The following CAMK1 variants were observed in gnomAD, a reference collection of about 807,000 sequenced individuals.
CAMK1 encodes calcium/calmodulin-dependent protein kinase type 1.
In CAMK1, 39 loss-of-function variants were observed where a neutral mutation model predicts 49.1. The ratio of observed to expected loss-of-function variants is 0.79; its 90% CI spans 0.62 to 1.04. The LOEUF is 1.04. Ranked by LOEUF, CAMK1 falls within the 50% of genes least tolerant of loss-of-function variation. The pLI is 0.00. For synonymous variants in CAMK1, 192 were observed against 185.2 expected (o/e 1.04, Z -0.30); for missense variants, 457 against 472.2 (o/e 0.97, Z 0.30).
Position 9,757,527 on chromosome 3 carries a change from A to AG in CAMK1, c.*11dup, listed in dbSNP as rs1354423770. 1 of 1,609,932 alleles carries AG rather than the reference A, an allele frequency of 6.2e-7. No homozygotes were observed. Among genetic ancestry groups the AG allele is most frequent in the South Asian group, 1.1e-5 (1 of 90,920 alleles). On this transcript the variant is annotated 3_prime_UTR_variant, in exon 12 of 12. Coordinates refer to ENST00000256460, the MANE Select transcript of CAMK1 (RefSeq NM_003656.5). This position sits in a 1 kb window ranked among gnomAD's most constrained non-coding sequence, Gnocchi z 4.5. ...CTCCCACGCAGAGGATCATGACCCG[A>AG]GGTCCAGGGCCCTAGAGCTGGTGGG...
In CAMK1 at chr3:9,763,171, C is replaced by G. The variant is rs1330382466; in HGVS notation, c.258G>C (p.Glu86Asp). The G allele has an allele frequency of 1.9e-6, 3 of 1,614,040 alleles. No individual in the cohort carries two copies. Among genetic ancestry groups the G allele is most frequent in the Non-Finnish European group, 2.5e-6 (3 of 1,180,010 alleles). ...TGATGAGGTAGAGGTGGCCCCCACT[C>G]TCATAGATGTCATCCAGGGCTACAA... ...PNIVALDDIYESGGHLYLIMQ... is the reference protein window; with the variant it reads ...PNIVALDDIYDSGGHLYLIMQ... The change falls in exon 4 of 12, where the codon GAG becomes GAC. Residue 86 changes from glutamate (E) to aspartate (D), a missense_variant. Glu to Asp is a conservative substitution (Grantham distance 45, BLOSUM62 2). Transcript: ENST00000256460.
rs1459154808 is a variant in CAMK1 at position 9,764,625 on chromosome 3, TTTG to T, written c.215+1131_215+1133del. Among the ~76,000 whole-genome samples, 463 of 127,822 alleles carry T rather than the reference TTTG, an allele frequency of 3.6e-3. 20 individuals carry two copies. The highest frequency in any genetic ancestry group is 8.6e-3 in the African/African-American group (278 of 32,444). The allele number at this position is 127,822 out of a possible 152,430, so 83.9% of individuals were successfully genotyped here. ...CTGCGCCTGGCGTTTTTGTTTTTTT[TTTG>T]TTTTTTTTTTTTTTTTTGAGATGGA... On this transcript the variant is annotated intron_variant, in intron 3 of 11. Transcript: ENST00000256460.
Position 9,761,612 on chromosome 3 carries a change from A to G in CAMK1, c.556+19T>C. On this transcript the variant is annotated intron_variant, in intron 6 of 11. Coordinates refer to ENST00000256460, the MANE Select transcript of CAMK1 (RefSeq NM_003656.5). ...TGGTTCCCCCCACCATCACAGCCCC[A>G]GCCCAGGGCCCTCCGCACCCACGTA... 6.2e-7 allele frequency: 1 copy of G among 1,614,024 alleles called. No homozygotes were observed. Among genetic ancestry groups the G allele is most frequent in the Non-Finnish European group, 8.5e-7 (1 of 1,179,954 alleles).
chr3:9,759,296 CCT>C (rs767669718), intron 10 of CAMK1, 190 bp downstream of exon 10: 53 of 1,604,962 alleles, frequency 3.3e-5, no homozygotes, highest in Admixed American at 6.7e-5. Flanking sequence ...GGTGAGGGAC[CCT>C]CTCTGGAATA....
chr3:9,764,510 C>T (rs1440974553), intron 3 of CAMK1, among the ~76,000 whole-genome samples: 1 of 151,546 alleles, frequency 6.6e-6, no homozygotes, highest in African/African-American at 2.4e-5. Flanking sequence ...CGGAGTTTCT[C>T]CATGTTGGTC....
At chr3:9,765,509 T>G (rs372692702) in intron 3 of CAMK1, among the ~76,000 whole-genome samples, 1 of 152,196 alleles carries the variant, frequency 6.6e-6, no homozygotes. Context: ...TACACCTGAT[T>G]GAACAGTTAA....
Position 9,763,201 on chromosome 3 carries a change from G to T in CAMK1, c.228C>A (p.Pro76=), listed in dbSNP as rs148286667. The change falls in exon 4 of 12, where the codon CCC becomes CCA. Residue 76 remains proline (P), a synonymous_variant. Coordinates refer to ENST00000256460, the MANE Select transcript of CAMK1 (RefSeq NM_003656.5). ...AGATGTCATCCAGGGCTACAATGTT[G>T]GGGTGCTTGATCCTGAAAGGAGAAA... is the stretch of plus-strand genomic sequence containing the variant. The part of the protein sequence containing the change: ...EIAVLHKIKH[P]NIVALDDIYE... 36 of 1,613,878 alleles carry T rather than the reference G, an allele frequency of 2.2e-5. No homozygotes were observed. The African/African-American group carries it at 3.5e-4, about 16-fold the overall frequency.
At chr3:9,768,333 C>T (rs951472603) in intron 1 of CAMK1, among the ~76,000 whole-genome samples, 2 of 152,248 alleles carry the variant, frequency 1.3e-5, no homozygotes, top group African/African-American at 4.8e-5. Flanking sequence ...ACAACAGCCA[C>T]AGCTGGAGCT....
chr3:9,763,515 A>G (rs958230884), intron 3 of CAMK1, among the ~76,000 whole-genome samples: 6 of 152,140 alleles, frequency 3.9e-5, no homozygotes, highest in African/African-American at 1.2e-4. Flanking sequence ...CTCGTCCCCA[A>G]AGGGAAAAGC....
chr3:9,760,704 C>T lies in CAMK1; in HGVS notation c.697G>A (p.Ala233Thr). ...TAAGGAGAGTCAAACTCGTACTCGG[C>T]CTTCAAAATCTGTTCAAAGAGTTTG... is the stretch of plus-strand genomic sequence containing the variant. Reference protein sequence around the residue: ...DAKLFEQILKAEYEFDSPYWD... With the variant: ...DAKLFEQILKTEYEFDSPYWD... Residue 233 changes from alanine to threonine, a missense_variant, in exon 8 of 12, where the codon GCC becomes ACC. Coordinates refer to ENST00000256460, the MANE Select transcript of CAMK1 (RefSeq NM_003656.5). The T allele has an allele frequency of 1.2e-6, 2 of 1,614,078 alleles. No homozygotes were observed. Among genetic ancestry groups the T allele is most frequent in the Non-Finnish European group, 1.7e-6 (2 of 1,180,002 alleles).
chr3:9,765,536 A>C (rs1005783469), intron 3 of CAMK1, among the ~76,000 whole-genome samples: 2 of 152,188 alleles, frequency 1.3e-5, no homozygotes, highest in Non-Finnish European at 2.9e-5. Context: ...GTGACTAAGC[A>C]CTGGCACCTC....
chr3:9,760,671 C>A lies in CAMK1; in HGVS notation c.730G>T (p.Asp244Tyr). The A allele has an allele frequency of 6.2e-7, 1 of 1,613,918 alleles. No homozygotes were observed. The highest frequency in any genetic ancestry group is 2.2e-5 in the East Asian group (1 of 44,852). ...EYEFDSPYWDDISDSAKDFIR... is the reference protein window; with the variant it reads ...EYEFDSPYWDYISDSAKDFIR... ...CCCCAAATACCAGAGTCAGAGATGT[C>A]GTCCCAGTAAGGAGAGTCAAACTCG... is the stretch of plus-strand genomic sequence containing the variant. Residue 244 changes from aspartate (D) to tyrosine (Y), a missense_variant, in exon 8 of 12, where the codon GAC becomes TAC. Transcript: ENST00000256460.
chr3:9,759,205 A>G (rs1372435275), intron 10 of CAMK1: 6 of 1,613,258 alleles, frequency 3.7e-6, no homozygotes, highest in African/African-American at 2.7e-5. Context: ...GGTCATCACC[A>G]CTTTTATGAC....
At position 9,760,750 on chromosome 3, in the gene CAMK1, G is replaced by A. The variant is rs766905823; in HGVS notation, c.651C>T (p.Pro217=). 1.7e-5 allele frequency: 28 copies of A among 1,613,918 alleles called. No individual in the cohort carries two copies. The highest frequency in any genetic ancestry group is 2.3e-5 in the Non-Finnish European group (27 of 1,179,952). Residue 217 remains proline, a synonymous_variant, in exon 8 of 12, where the codon CCC becomes CCT. Transcript: ENST00000256460. ...GTTTGGCATCATTCTCGTCATAGAA[G>A]GGAGGGTAACCGCAGAGCCTGGGCA... ...IAYILLCGYP[P]FYDENDAKLF...
At position 9,761,754 on chromosome 3, in the gene CAMK1, CT is replaced by C; in HGVS notation, c.432del (p.Glu145ArgfsTer15). On this transcript the variant is annotated frameshift_variant and splice_region_variant, in exon 6 of 12. Coordinates refer to ENST00000256460, the MANE Select transcript of CAMK1 (RefSeq NM_003656.5). LOFTEE classifies it high-confidence loss of function. ...TCCAGGCTGTAGTACAGCAGATTCT[CT>C]GGCTTGAAGGGCAGGAGGGAAGAGA... ...DLGIVHRDLKPENLLYYSLDE... is the reference protein window; with the variant it reads ...DLGIVHRDLKXENLLYYSLDE... 1 of 1,613,992 alleles carries C rather than the reference CT, an allele frequency of 6.2e-7. No individual in the cohort carries two copies. The highest frequency in any genetic ancestry group is 8.5e-7 in the Non-Finnish European group (1 of 1,179,944).
intron 1 of CAMK1, 86 bp from the exon 2 acceptor site, chr3:9,767,867 C>T: frequency 6.8e-7 from 1 of 1,476,278 alleles, no homozygotes; most frequent in Admixed American, 2.3e-5. Context: ...GTCATTCAAC[C>T]TGCATTTATT....
At chr3:9,763,624 G>A (rs931844962) in intron 3 of CAMK1, among the ~76,000 whole-genome samples, 11 of 152,036 alleles carry the variant, frequency 7.2e-5, no homozygotes, top group South Asian at 2.1e-4. Flanking sequence ...AATCCTGCCC[G>A]TCACATGCTA....
At chr3:9,765,912 A>G (rs1470216066) in intron 2 of CAMK1, 22 bp from the exon 3 acceptor site, 9 of 1,613,102 alleles carry the variant, frequency 5.6e-6, no homozygotes, top group South Asian at 1.1e-5. Context: ...GGGGATTCAC[A>G]AGGTGAAGAA....
Position 9,763,141 on chromosome 3 carries a change from C to G in CAMK1, c.288G>C (p.Gln96His). Reference sequence around the variant, plus strand: ...AGGGCAGAGGTTGGGCCACTCACAGCTGCATGATGAGGTAGAGGTGGCCCC... The same window carrying G: ...AGGGCAGAGGTTGGGCCACTCACAGGTGCATGATGAGGTAGAGGTGGCCCC... The part of the protein sequence containing the change: ...ESGGHLYLIM[Q>H]LVSGGELFDR... Residue 96 changes from glutamine to histidine, a missense_variant and splice_region_variant, in exon 4 of 12, where the codon CAG (glutamine) becomes CAC (histidine). Gln to His is a conservative substitution (Grantham distance 24). Transcript: ENST00000256460. 6.2e-7 allele frequency: 1 copy of G among 1,614,140 alleles called. No individual in the cohort carries two copies. The highest frequency in any genetic ancestry group is 1.1e-5 in the South Asian group (1 of 91,086).
Sources: allele counts gnomAD v4.1 joint callset (sites outside exome capture counted in the v4.1 genomes callset), GRCh38; gene constraint gnomAD v4.1.1; non-coding constraint Gnocchi (gnomAD v3.1); transcripts MANE v1.5; gene names NCBI Gene and HGNC (gene_info 2026-07-23, HGNC 2026-07-21).